The following HMCN2 variants were observed in gnomAD, a reference collection of about 807,000 sequenced individuals.
HMCN2 encodes hemicentin 2, also known as hemicentin-2.
Under a neutral mutation model 377.5 loss-of-function variants are expected in HMCN2, and 325 were observed. The ratio of observed to expected loss-of-function variants is 0.86; its 90% CI spans 0.79 to 0.94. HMCN2 has a LOEUF of 0.94. HMCN2 is among the 40% of genes least tolerant of loss of function. The probability of loss-of-function intolerance (pLI) is 0.00; values close to 1 mark genes in which losing one functional copy is unlikely to be tolerated. For synonymous variants in HMCN2, 2,007 were observed against 2,046.8 expected (o/e 0.98, Z 0.53); for missense variants, 4,543 against 4,725.3 (o/e 0.96, Z 1.13).
chr9:130,345,615 G>A (rs2131498170), intron 25 of HMCN2, among the ~76,000 whole-genome samples: 1 of 151,786 alleles, frequency 6.6e-6, no homozygotes, highest in East Asian at 1.9e-4. Context: ...AGTGTGGTGT[G>A]TGGTGTGTGT....
At chr9:130,384,575 T>A in intron 58 of HMCN2, 41 bp downstream of exon 58, 1 of 1,303,868 alleles carries the variant, frequency 7.7e-7, no homozygotes, top group Non-Finnish European at 1.0e-6. Flanking sequence ...TAAGGTTACA[T>A]GGGGAGAGAG....
intron 25 of HMCN2, among the ~76,000 whole-genome samples, chr9:130,343,415 G>A (rs1839169868): frequency 6.6e-6 from 1 of 152,170 alleles, no homozygotes; most frequent in Non-Finnish European, 1.5e-5. Context: ...GACTCAGGGA[G>A]AGGCAGGTAG....
chr9:130,408,671 T>G (rs997331556), intron 83 of HMCN2, 72 bp from the exon 84 acceptor site: 8 of 1,140,654 alleles, frequency 7.0e-6, no homozygotes, highest in African/African-American at 1.6e-5. Flanking sequence ...GGGCAGTCCT[T>G]TGGGGTTTAT....
chr9:130,358,355 G>A (rs907113512), intron 35 of HMCN2, 35 bp from the exon 36 acceptor site: 1 of 1,304,078 alleles, frequency 7.7e-7, no homozygotes, highest in East Asian at 5.5e-5. Context: ...CACTTGGACA[G>A]CCCTGTGGCA....
chr9:130,366,563 C>T (rs1840699951), intron 43 of HMCN2, among the ~76,000 whole-genome samples: 1 of 137,392 alleles, frequency 7.3e-6, no homozygotes, highest in Non-Finnish European at 1.5e-5. Flanking sequence ...GAGTGATTCT[C>T]CTGCCTCAGC....
At chr9:130,326,443 G>A (rs1002683789) in intron 21 of HMCN2, among the ~76,000 whole-genome samples, 1 of 152,232 alleles carries the variant, frequency 6.6e-6, no homozygotes, top group East Asian at 1.9e-4. Context: ...GTGAAGATGG[G>A]GCGGGACCTG....
intron 77 of HMCN2, among the ~76,000 whole-genome samples, chr9:130,402,200 G>C (rs991031440): frequency 6.6e-6 from 1 of 152,262 alleles, no homozygotes; most frequent in East Asian, 1.9e-4. Flanking sequence ...GCTGTGGGTG[G>C]GCCAGAGTGC....
intron 33 of HMCN2, 54 bp from the exon 34 acceptor site, chr9:130,356,034 G>A (rs1282187497): frequency 2.6e-6 from 3 of 1,141,454 alleles, no homozygotes; most frequent in Non-Finnish European, 3.4e-6. Context: ...TGTCCTGCCT[G>A]GCCTGGCCTT....
At position 130,299,243 on chromosome 9, in the gene HMCN2, C is replaced by A. The variant is rs928866403; in HGVS notation, c.1231C>A (p.Pro411Thr). ...KVKGKDHEGN[P>T]LLRVSGVSYS... ...GAAGGGCAAGGACCATGAGGGAAAC[C>A]CCCTCCTTCGTGTCTCTGGAGTGTC... The change falls in exon 8 of 98, where the codon CCC becomes ACC. Residue 411 changes from proline to threonine, a missense_variant. This residue lies in a region of HMCN2 where 547 missense variants were observed against 189.9 expected (regional missense o/e 2.88). Transcript: ENST00000683500. 8.7e-5 allele frequency: 41 copies of A among 470,782 alleles called. No homozygotes were observed. The highest frequency in any genetic ancestry group is 1.5e-4 in the Non-Finnish European group (34 of 226,948). The allele number at this position is 470,782 out of a possible 1,614,324, so 29.2% of individuals were successfully genotyped here.
intron 1 of HMCN2, among the ~76,000 whole-genome samples, chr9:130,270,076 G>A (rs1477825589): frequency 2.0e-5 from 3 of 147,734 alleles, no homozygotes; most frequent in Admixed American, 2.0e-4. Context: ...CTCCCAAAAT[G>A]CTGGGATTAC....
Position 130,304,824 on chromosome 9 carries a change from C to T in HMCN2, c.1638C>T (p.Tyr546=), listed in dbSNP as rs79161920. The part of the protein sequence containing the change: ...LSCRVLGEAP[Y]NLTWVRDWRV... ...GCCGGGTCCTAGGCGAGGCCCCCTA[C>T]AACCTGACGTGGGTCCGGGACTGGC... Residue 546 remains tyrosine (Y), a synonymous_variant, in exon 11 of 98, where the codon TAC becomes TAT. Coordinates refer to ENST00000683500, the MANE Select transcript of HMCN2 (RefSeq NM_001291815.2). The surrounding 1 kb of genome is among the most constrained non-coding windows in gnomAD (Gnocchi z 4.3). 8.5e-3 allele frequency: 3,986 copies of T among 471,172 alleles called. 58 individuals carry two copies. The highest frequency in any genetic ancestry group is 0.038 in the African/African-American group (1,912 of 50,210). 29.2% of individuals were successfully genotyped at this position (471,172 alleles called of 1,614,324 possible).
intron 53 of HMCN2, 67 bp from the exon 54 acceptor site, chr9:130,379,182 C>G: frequency 4.1e-6 from 2 of 484,092 alleles, no homozygotes; most frequent in Non-Finnish European, 5.4e-6. Context: ...ACGAGAATCT[C>G]CGTGAGCAGA....
intron 1 of HMCN2, among the ~76,000 whole-genome samples, chr9:130,275,098 C>T (rs1564737092): frequency 6.6e-6 from 1 of 152,178 alleles, no homozygotes; most frequent in African/African-American, 2.4e-5. Flanking sequence ...TTTCCCCACA[C>T]CGCCGCCAGC....
intron 1 of HMCN2, among the ~76,000 whole-genome samples, chr9:130,277,883 T>C (rs868975074): frequency 5.7e-4 from 8 of 13,946 alleles, no homozygotes; most frequent in Admixed American, 8.2e-4. Flanking sequence ...ACCACCACCA[T>C]CATCATCACC....
intron 15 of HMCN2, among the ~76,000 whole-genome samples, chr9:130,312,557 T>TTTCTTTCTTTCTTTCTTTCTTTCC (rs1837315851): frequency 4.1e-5 from 1 of 24,440 alleles, no homozygotes; most frequent in African/African-American, 1.3e-4. Flanking sequence ...TCTTTCTTTC[T>TTTCTTTCTTTCTTTCTTTCTTTCC]TTCTTTCTTT....
In HMCN2 at chr9:130,374,649, A is replaced by G. The variant is rs1841277332; in HGVS notation, c.7586A>G (p.Asn2529Ser). The stretch of plus-strand genomic sequence containing the variant: ...GGCCACTACTCCTGCATTGCAGCCA[A>G]CGCTGTTGGGGAGAAGACCAAACAC... Reference protein sequence around the residue: ...SAGHYSCIAANAVGEKTKHFQ... With the variant: ...SAGHYSCIAASAVGEKTKHFQ... The change falls in exon 49 of 98, where the codon AAC becomes AGC. Residue 2529 changes from asparagine (N) to serine (S), a missense_variant. Physicochemically the swap from Asn to Ser is conservative, Grantham distance 46. Coordinates refer to ENST00000683500, the MANE Select transcript of HMCN2 (RefSeq NM_001291815.2). 3 of 985,734 alleles carry G rather than the reference A, an allele frequency of 3.0e-6. No homozygotes were observed. The highest frequency in any genetic ancestry group is 3.6e-6 in the Non-Finnish European group (3 of 829,934). The allele number at this position is 985,734 out of a possible 1,614,324, so 61.1% of individuals were successfully genotyped here. A position where few individuals can be genotyped will look rare whatever the true frequency, so the allele number is the denominator to read the frequency against.
rs572158068 is a variant in HMCN2, at chr9:130,280,393, C to T, written c.260-4210C>T. Among the ~76,000 whole-genome samples, 215 of 150,896 alleles carry T rather than the reference C, an allele frequency of 1.4e-3. 2 individuals carry two copies. The highest frequency in any genetic ancestry group is 7.8e-3 in the East Asian group (40 of 5,096). ...TTCACCATGTTAGCCAGGATGGTCT[C>T]GATCTCCTGACCTTGTGATCCTCCC... On this transcript the variant is annotated intron_variant, in intron 1 of 97. Coordinates refer to ENST00000683500, the MANE Select transcript of HMCN2 (RefSeq NM_001291815.2).
At chr9:130,296,567 G>A in intron 6 of HMCN2, 107 bp from the exon 7 acceptor site, 1 of 405,906 alleles carries the variant, frequency 2.5e-6, no homozygotes. Flanking sequence ...AAAAGCAGGA[G>A]GATTCCAGCT....
rs1554955212 is a variant in HMCN2 at position 130,360,612 on chromosome 9, T to C, written c.5950+8T>C. 5 of 1,276,616 alleles carry C rather than the reference T, an allele frequency of 3.9e-6. No homozygotes were observed. The highest frequency in any genetic ancestry group is 1.3e-5 in the South Asian group (1 of 78,788). 79.1% of individuals were successfully genotyped at this position (1,276,616 alleles called of 1,614,324 possible). On this transcript the variant is annotated splice_region_variant and intron_variant, in intron 38 of 97. Transcript: ENST00000683500. This position sits in a 1 kb window ranked among gnomAD's most constrained non-coding sequence, Gnocchi z 4.7. Reference sequence around the variant, plus strand: ...ATGGCCTACGGGTCAATGGTGAGCTTCCCTGGGCCTACAAGGTCCCTTGTC... The same window carrying C: ...ATGGCCTACGGGTCAATGGTGAGCTCCCCTGGGCCTACAAGGTCCCTTGTC...
Sources: gnomAD v4.1 joint callset for allele counts (sites outside exome capture counted in the v4.1 genomes callset) on GRCh38, gnomAD v4.1.1 for gene constraint, gnomAD v4.1.1 regional missense constraint, Gnocchi (gnomAD v3.1) non-coding constraint, MANE v1.5 for transcripts, NCBI Gene and HGNC (gene_info 2026-07-23, HGNC 2026-07-21) for gene names.